Variants in ADGRD1 observed in about 807,000 individuals in gnomAD.
ADGRD1 encodes G-protein coupled receptor 133.
ADGRD1 carries 77 observed loss-of-function variants against 113.4 expected under a neutral mutation model. That is an observed-to-expected ratio of 0.68 (90% confidence interval 0.57 to 0.82). ADGRD1 has a LOEUF of 0.82. Among genes scored for constraint, ADGRD1 ranks in the 40% least tolerant of loss-of-function variants. ADGRD1 has a pLI of 0.00. For synonymous variants in ADGRD1, 474 were observed against 475.0 expected (o/e 1.00, Z 0.03); for missense variants, 1,036 against 1,139.1 (o/e 0.91, Z 1.30).
chr12:131,041,153 G>A lies in ADGRD1; in HGVS notation c.1473+26813G>A, dbSNP rs1250989877. ...GCTCTTACCAGGAAAGGGTAGCAGG[G>A]ACTTCACTGAGCACAGAAAATCGGG... is the stretch of plus-strand genomic sequence containing the variant. On this transcript the variant is annotated intron_variant, in intron 13 of 24. Transcript: ENST00000261654. The surrounding 1 kb of genome is among the most constrained non-coding windows in gnomAD (Gnocchi z 4.4). Among the ~76,000 whole-genome samples, 2 of 152,302 alleles carry A rather than the reference G, an allele frequency of 1.3e-5. No homozygotes were observed. Among genetic ancestry groups the A allele is most frequent in the South Asian group, 2.1e-4 (1 of 4,826 alleles).
chr12:131,045,529 G>A (rs1882608288), intron 13 of ADGRD1, among the ~76,000 whole-genome samples: 1 of 144,548 alleles, frequency 6.9e-6, no homozygotes, highest in Non-Finnish European at 1.5e-5. Flanking sequence ...CCGCCTCCCT[G>A]CCCGGGCACA....
At chr12:131,105,336 G>C (rs1265945962) in intron 16 of ADGRD1, among the ~76,000 whole-genome samples, 2 of 152,254 alleles carry the variant, frequency 1.3e-5, no homozygotes, top group South Asian at 2.1e-4. Flanking sequence ...GCAGGGCAGA[G>C]AGCGAGGGGT....
intron 2 of ADGRD1, among the ~76,000 whole-genome samples, chr12:130,964,245 G>A (rs1409485202): frequency 6.6e-6 from 1 of 151,302 alleles, no homozygotes; most frequent in South Asian, 2.1e-4. Context: ...TTTTCTGATT[G>A]TGTTTTGTTT....
At chr12:131,007,517 C>T (rs186880827) in intron 12 of ADGRD1, among the ~76,000 whole-genome samples, 41 of 152,360 alleles carry the variant, frequency 2.7e-4, no homozygotes, top group African/African-American at 4.3e-4. Context: ...CAGTCTGTCT[C>T]GCCTGTCCCC....
chr12:131,011,936 G>C (rs1181143636), intron 12 of ADGRD1, among the ~76,000 whole-genome samples: 1 of 152,216 alleles, frequency 6.6e-6, no homozygotes, highest in Non-Finnish European at 1.5e-5. Flanking sequence ...AGTGAGTCAG[G>C]CTGGGCGCCG....
chr12:130,982,777 G>A (rs1447693747), intron 5 of ADGRD1, among the ~76,000 whole-genome samples: 1 of 152,128 alleles, frequency 6.6e-6, no homozygotes, highest in Non-Finnish European at 1.5e-5. Flanking sequence ...ATGGACGTGG[G>A]GCAGTAGGCT....
chr12:131,125,470 A>G (rs953110381), intron 20 of ADGRD1, among the ~76,000 whole-genome samples: 6 of 152,196 alleles, frequency 3.9e-5, no homozygotes, highest in African/African-American at 9.7e-5. Context: ...CAGGGTAGCT[A>G]TGTGTCTACA....
intron 13 of ADGRD1, among the ~76,000 whole-genome samples, chr12:131,032,975 C>T (rs922754540): frequency 1.3e-5 from 2 of 148,238 alleles, no homozygotes; most frequent in East Asian, 2.1e-4. Context: ...ATCGCCACCC[C>T]GTCACAGAGG....
At chr12:131,090,598 G>A (rs1020422905) in intron 15 of ADGRD1, among the ~76,000 whole-genome samples, 9 of 152,176 alleles carry the variant, frequency 5.9e-5, no homozygotes, top group African/African-American at 2.2e-4. Context: ...GACCTAGCTG[G>A]GGTGGGCTCC....
rs1951000767 is a variant in ADGRD1 at position 131,133,855 on chromosome 12, T to C, written c.2267+2039T>C. 3.9e-5 allele frequency among the ~76,000 whole-genome samples: 6 copies of C among 152,148 alleles called. 1 individual carries two copies. In the South Asian group the frequency reaches 1.0e-3, roughly 26 times the overall value. On this transcript the variant is annotated intron_variant, in intron 21 of 24. Transcript: ENST00000261654. ...GGAAGCTTCCCCAGCACCTTGCTAT[T>C]CTTCATCCTCTGGTTTTATTCTAGT...
Position 131,060,619 on chromosome 12 carries a change from G to A in ADGRD1, c.1474-16182G>A, listed in dbSNP as rs1455281602. Among the ~76,000 whole-genome samples, 1 of 152,182 alleles carries A rather than the reference G, an allele frequency of 6.6e-6. No homozygotes were observed. The highest frequency in any genetic ancestry group is 2.4e-5 in the African/African-American group (1 of 41,446). On this transcript the variant is annotated intron_variant, in intron 13 of 24. Coordinates refer to ENST00000261654, the MANE Select transcript of ADGRD1 (RefSeq NM_198827.5). This position sits in a 1 kb window ranked among gnomAD's most constrained non-coding sequence, Gnocchi z 4.4. Reference sequence around the variant, plus strand: ...CATCAGCAGCCGTACCACTAAACCAGAGGAGTTGGATTCTGATTCTTACTC... The same window carrying A: ...CATCAGCAGCCGTACCACTAAACCAAAGGAGTTGGATTCTGATTCTTACTC...
intron 8 of ADGRD1, among the ~76,000 whole-genome samples, chr12:130,995,208 A>C (rs1452801501): frequency 6.6e-6 from 1 of 152,140 alleles, no homozygotes; most frequent in Non-Finnish European, 1.5e-5. Flanking sequence ...ACTTGGGGCC[A>C]AGGCCAGACA....
At chr12:131,043,933 A>C (rs1882406129) in intron 13 of ADGRD1, among the ~76,000 whole-genome samples, 1 of 151,928 alleles carries the variant, frequency 6.6e-6, no homozygotes, top group African/African-American at 2.4e-5. Flanking sequence ...TCTTTTGGGG[A>C]CCTTATTCTG....
At chr12:131,031,567 G>GC (rs556365160) in intron 13 of ADGRD1, among the ~76,000 whole-genome samples, 3 of 151,794 alleles carry the variant, frequency 2.0e-5, no homozygotes, top group Admixed American at 6.6e-5. Flanking sequence ...AGCAAACACG[G>GC]CCCCCCCACC....
At chr12:131,109,534 C>A (rs948988635) in intron 18 of ADGRD1, among the ~76,000 whole-genome samples, 1 of 152,146 alleles carries the variant, frequency 6.6e-6, no homozygotes, top group Non-Finnish European at 1.5e-5. Context: ...TGTACATATT[C>A]ATGAGTTTCT....
chr12:131,136,184 C>T (rs752042075), intron 22 of ADGRD1, 21 bp downstream of exon 22: 15 of 1,612,168 alleles, frequency 9.3e-6, no homozygotes, highest in East Asian at 4.5e-5. Flanking sequence ...CGGGGACTGG[C>T]GGGGAGGCAG....
chr12:131,085,943 G>A (rs539714299), intron 15 of ADGRD1, among the ~76,000 whole-genome samples: 1 of 152,324 alleles, frequency 6.6e-6, no homozygotes, highest in East Asian at 1.9e-4. Flanking sequence ...GACTTCTGGA[G>A]GCTCGTCCCC....
chr12:131,068,398 T>G (rs1438351464), intron 13 of ADGRD1, among the ~76,000 whole-genome samples: 2 of 152,150 alleles, frequency 1.3e-5, no homozygotes, highest in African/African-American at 4.8e-5. Flanking sequence ...GAAAGAATGT[T>G]CATCTTCCCC....
intron 8 of ADGRD1, 196 bp downstream of exon 8, chr12:130,992,588 T>A: frequency 2.0e-6 from 1 of 490,166 alleles, no homozygotes; most frequent in Non-Finnish European, 3.6e-6. Context: ...CGGAGCTTCC[T>A]TTATGGGCAC....
Sources: gnomAD v4.1 joint callset for allele counts (sites outside exome capture counted in the v4.1 genomes callset) on GRCh38, gnomAD v4.1.1 for gene constraint, Gnocchi (gnomAD v3.1) non-coding constraint, MANE v1.5 for transcripts, NCBI Gene and HGNC (gene_info 2026-07-23, HGNC 2026-07-21) for gene names.